Variants in CD44 observed in about 807,000 individuals in gnomAD.
CD44 encodes CD44 antigen.
A neutral mutation model predicts 88.8 loss-of-function variants in CD44; 49 were observed. That is an observed-to-expected ratio of 0.55 (90% confidence interval 0.44 to 0.70). The LOEUF (loss-of-function observed/expected upper bound fraction) is 0.70, where lower values mean the gene tolerates loss of function less well. Among genes scored for constraint, CD44 ranks in the 30% least tolerant of loss-of-function variants. CD44 has a pLI of 0.00. For synonymous variants in CD44, 325 were observed against 312.3 expected, an observed-to-expected ratio of 1.04 and a Z score of -0.43; for missense variants, 883 against 913.8, an observed-to-expected ratio of 0.97 and a Z score of 0.43.
intron 17 of CD44, among the ~76,000 whole-genome samples, chr11:35,226,162 G>A (rs546561055): frequency 1.3e-5 from 2 of 152,296 alleles, no homozygotes; most frequent in South Asian, 2.1e-4. Context: ...TAAATCCAAA[G>A]GGAAATGCAG....
At chr11:35,204,424 T>C (rs1947626779) in intron 9 of CD44, 88 bp from the exon 10 acceptor site, 2 of 1,299,536 alleles carry the variant, frequency 1.5e-6, no homozygotes, top group Admixed American at 1.8e-5. Flanking sequence ...TCCCCATGTG[T>C]ATCTGCCCTT....
intron 9 of CD44, among the ~76,000 whole-genome samples, chr11:35,203,690 C>T (rs933095227): frequency 6.6e-6 from 1 of 151,576 alleles, no homozygotes; most frequent in African/African-American, 2.4e-5. Flanking sequence ...TTTATAGACT[C>T]TCATTTTCTT....
At chr11:35,221,914 A>C (rs1266121355) in intron 17 of CD44, among the ~76,000 whole-genome samples, 182 bp downstream of exon 17, 2 of 152,164 alleles carry the variant, frequency 1.3e-5, no homozygotes, top group Non-Finnish European at 2.9e-5. Context: ...GCATCTTAAC[A>C]AGTTTCCAGG....
chr11:35,200,940 C>T (rs1341332542), intron 7 of CD44, 142 bp from the exon 8 acceptor site: 2 of 686,650 alleles, frequency 2.9e-6, no homozygotes, highest in East Asian at 5.0e-5. Context: ...CTCCGCTTTC[C>T]CTCCATTTCC....
intron 2 of CD44, 38 bp downstream of exon 2, chr11:35,176,778 G>A: frequency 1.3e-6 from 2 of 1,594,646 alleles, no homozygotes; most frequent in East Asian, 2.2e-5. Context: ...GAAAGCTGGC[G>A]GCCTGGGACC....
intron 17 of CD44, among the ~76,000 whole-genome samples, chr11:35,228,808 T>C (rs1424014971): frequency 6.6e-6 from 1 of 152,194 alleles, no homozygotes; most frequent in African/African-American, 2.4e-5. Context: ...AAGCCACAGA[T>C]CCTGGGCTCC....
In CD44 at chr11:35,229,334, C is replaced by G. The variant is rs139168368; in HGVS notation, c.*1C>G. 1.3e-4 allele frequency: 208 copies of G among 1,584,902 alleles called. No homozygotes were observed. The East Asian group carries it at 3.8e-3, about 29-fold the overall frequency. On this transcript the variant is annotated 3_prime_UTR_variant, in exon 18 of 18. Coordinates refer to ENST00000428726, the MANE Select transcript of CD44 (RefSeq NM_000610.4). ...TGTGGACATGAAGATTGGGGTGTAA[C>G]ACCTACACCATTATCTTGGAAAGAA...
At chr11:35,187,809 G>T (rs1430474539) in intron 4 of CD44, among the ~76,000 whole-genome samples, 1 of 152,160 alleles carries the variant, frequency 6.6e-6, no homozygotes, top group Admixed American at 6.5e-5. Context: ...TTTTGACATT[G>T]TTTATACCAC....
At chr11:35,222,173 A>G (rs1003780801) in intron 17 of CD44, among the ~76,000 whole-genome samples, 1 of 152,232 alleles carries the variant, frequency 6.6e-6, no homozygotes, top group African/African-American at 2.4e-5. Flanking sequence ...TACATTCACA[A>G]TGCACAAATA....
intron 12 of CD44, among the ~76,000 whole-genome samples, chr11:35,208,491 A>G (rs1218457082): frequency 6.6e-6 from 1 of 152,198 alleles, no homozygotes; most frequent in Admixed American, 6.5e-5. Context: ...TGTCAGTGAA[A>G]CACATGCCCA....
Position 35,229,802 on chromosome 11 carries a change from T to A in CD44, c.*469T>A, listed in dbSNP as rs1207191212. The A allele has an allele frequency of 6.0e-6, 1 of 166,396 alleles. No individual in the cohort carries two copies. The highest frequency in any genetic ancestry group is 1.3e-5 in the Non-Finnish European group (1 of 76,072). The allele number at this position is 166,396 out of a possible 1,614,324, so 10.3% of individuals were successfully genotyped here. ...ACTGAGGTTGGGGGTTGGGGTGTAC[T>A]AGTTACACATCTTCAACAGACCCCC... On this transcript the variant is annotated 3_prime_UTR_variant, in exon 18 of 18. Coordinates refer to ENST00000428726, the MANE Select transcript of CD44 (RefSeq NM_000610.4).
At chr11:35,147,410 T>C (rs913739405) in intron 1 of CD44, among the ~76,000 whole-genome samples, 11 of 152,130 alleles carry the variant, frequency 7.2e-5, no homozygotes, top group Admixed American at 2.0e-4. Context: ...CTAAACCAGA[T>C]GACCAGGCTT....
chr11:35,170,873 C>A (rs1315432445), intron 1 of CD44, among the ~76,000 whole-genome samples: 7 of 152,200 alleles, frequency 4.6e-5, no homozygotes, highest in Non-Finnish European at 1.0e-4. Context: ...AAGCAATGTT[C>A]TGTGGTCCAT....
chr11:35,204,274 A>G (rs564411797), intron 9 of CD44, among the ~76,000 whole-genome samples: 1 of 152,222 alleles, frequency 6.6e-6, no homozygotes, highest in African/African-American at 2.4e-5. Flanking sequence ...GCTTAGTCCT[A>G]TGATTTTGAA....
At chr11:35,199,642 AC>A (rs113592689) in intron 7 of CD44, among the ~76,000 whole-genome samples, 21,396 of 152,110 alleles carry the variant, frequency 0.14, 1,681 homozygotes, top group East Asian at 0.29. Flanking sequence ...TTCTATCTAA[AC>A]TTTTAAGTGA....
intron 2 of CD44, among the ~76,000 whole-genome samples, chr11:35,179,820 G>T: frequency 6.6e-6 from 1 of 152,178 alleles, no homozygotes; most frequent in South Asian, 2.1e-4. Flanking sequence ...GGTCTGGAAT[G>T]TGTGCACTGA....
intron 1 of CD44, among the ~76,000 whole-genome samples, chr11:35,156,975 A>G (rs542767942): frequency 1.3e-5 from 2 of 152,246 alleles, no homozygotes; most frequent in East Asian, 1.9e-4. Context: ...TTGAGGTTAC[A>G]CTGAGCTAAG....
At chr11:35,141,169 G>C (rs1857840709) in intron 1 of CD44, among the ~76,000 whole-genome samples, 1 of 152,186 alleles carries the variant, frequency 6.6e-6, no homozygotes, top group Non-Finnish European at 1.5e-5. Context: ...TGTTTGACAG[G>C]AGGAAAACTG....
At chr11:35,155,661 T>C (rs1187292542) in intron 1 of CD44, among the ~76,000 whole-genome samples, 2 of 152,228 alleles carry the variant, frequency 1.3e-5, no homozygotes, top group African/African-American at 2.4e-5. Context: ...ACTTGAGTAC[T>C]TTATTATTAG....
Sources: allele counts gnomAD v4.1 joint callset (sites outside exome capture counted in the v4.1 genomes callset), GRCh38; gene constraint gnomAD v4.1.1; transcripts MANE v1.5; gene names NCBI Gene and HGNC (gene_info 2026-07-23, HGNC 2026-07-21).